Variants in UXS1 observed in about 807,000 individuals in gnomAD.
UXS1 encodes the protein UDP-glucuronate decarboxylase 1, also known as UDP-glucuronic acid decarboxylase 1.
Under a neutral mutation model 62.6 loss-of-function variants are expected in UXS1, and 33 were observed. That is an observed-to-expected ratio of 0.53 (90% confidence interval 0.40 to 0.70). UXS1 has a LOEUF of 0.70. Ranked by LOEUF, UXS1 falls within the 30% of genes least tolerant of loss-of-function variation. The pLI is 0.00. For synonymous variants in UXS1, 213 were observed against 206.8 expected (o/e 1.03, Z -0.26); for missense variants, 434 against 556.3 (o/e 0.78, Z 2.21).
chr2:106,103,550 T>C (rs998295350), intron 11 of UXS1, among the ~76,000 whole-genome samples: 4 of 152,218 alleles, frequency 2.6e-5, no homozygotes, highest in Non-Finnish European at 4.4e-5. Flanking sequence ...GATAGTTTCC[T>C]CCAGGGACAT....
chr2:106,111,783 T>C (rs1678632896), intron 10 of UXS1, among the ~76,000 whole-genome samples: 1 of 152,184 alleles, frequency 6.6e-6, no homozygotes, highest in African/African-American at 2.4e-5. Context: ...ATACACTCAA[T>C]TGATAACAAA....
intron 5 of UXS1, among the ~76,000 whole-genome samples, chr2:106,152,262 G>C (rs942991395): frequency 6.6e-6 from 1 of 152,076 alleles, no homozygotes; most frequent in African/African-American, 2.4e-5. Flanking sequence ...GACCAGCCTG[G>C]CCAACATGGT....
intron 4 of UXS1, 49 bp downstream of exon 4, chr2:106,163,618 G>C: frequency 7.5e-7 from 1 of 1,335,354 alleles, no homozygotes; most frequent in Non-Finnish European, 1.0e-6. Flanking sequence ...TTACTCAATT[G>C]AGACAAACTT....
chr2:106,103,857 C>T (rs1677816851), intron 11 of UXS1, among the ~76,000 whole-genome samples: 1 of 152,084 alleles, frequency 6.6e-6, no homozygotes, highest in Admixed American at 6.5e-5. Context: ...TATTTTACTA[C>T]CAGTTCCATT....
At chr2:106,119,644 T>A (rs532890908) in intron 9 of UXS1, among the ~76,000 whole-genome samples, 7 of 152,170 alleles carry the variant, frequency 4.6e-5, no homozygotes, top group African/African-American at 1.7e-4. Flanking sequence ...CAGAACACAG[T>A]CATAGTCCCA....
intron 6 of UXS1, among the ~76,000 whole-genome samples, chr2:106,131,030 C>T (rs1385292601): frequency 6.6e-6 from 1 of 150,898 alleles, no homozygotes; most frequent in Non-Finnish European, 1.5e-5. Context: ...AGACAGTGGG[C>T]GCAGGCCAGT....
In UXS1 at chr2:106,147,907, A is replaced by G. The variant is rs148865135; in HGVS notation, c.292-2537T>C. ...AGAATAACCATCCCTTAACCACCACATAGATATTACATATGCTCTGATGAA... is the reference window on the plus strand; with the variant it reads ...AGAATAACCATCCCTTAACCACCACGTAGATATTACATATGCTCTGATGAA... On this transcript the variant is annotated intron_variant, in intron 5 of 14. Coordinates refer to ENST00000283148, the MANE Select transcript of UXS1 (RefSeq NM_001253875.2). 7.9e-5 allele frequency among the ~76,000 whole-genome samples: 12 copies of G among 152,314 alleles called. 1 individual carries two copies. Among genetic ancestry groups the G allele is most frequent in the Admixed American group, 2.0e-4 (3 of 15,296 alleles).
intron 1 of UXS1, among the ~76,000 whole-genome samples, chr2:106,188,903 C>T (rs1558764053): frequency 6.6e-6 from 1 of 152,070 alleles, no homozygotes; most frequent in Non-Finnish European, 1.5e-5. Context: ...AAATGAAGAC[C>T]ATGTTTTAGT....
rs1320020637 is a variant in UXS1, at chr2:106,194,277, C to CG, written c.-37dup. 2 of 1,207,138 alleles carry CG rather than the reference C, an allele frequency of 1.7e-6. No individual in the cohort carries two copies. Among genetic ancestry groups the CG allele is most frequent in the South Asian group, 2.2e-5 (1 of 45,626 alleles). The allele number at this position is 1,207,138 out of a possible 1,614,324, so 74.8% of individuals were successfully genotyped here. On this transcript the variant is annotated 5_prime_UTR_variant, in exon 1 of 15. Coordinates refer to ENST00000283148, the MANE Select transcript of UXS1 (RefSeq NM_001253875.2). ...CGCGCGGGTCCAGGGCCCTACCGCG[C>CG]GGGGGCCCGCCTGCTGCACAATGCG...
intron 1 of UXS1, among the ~76,000 whole-genome samples, chr2:106,193,579 T>C (rs978108764): frequency 6.6e-6 from 1 of 151,726 alleles, no homozygotes; most frequent in African/African-American, 2.4e-5. Context: ...AAACCTAGAA[T>C]GGGGATGCCG....
At chr2:106,127,108 G>A (rs1213756562) in intron 7 of UXS1, among the ~76,000 whole-genome samples, 1 of 152,124 alleles carries the variant, frequency 6.6e-6, no homozygotes, top group African/African-American at 2.4e-5. Context: ...GAATTCCCGG[G>A]GATATATGTA....
chr2:106,103,378 C>A (rs1416156153), intron 11 of UXS1, among the ~76,000 whole-genome samples: 1 of 152,184 alleles, frequency 6.6e-6, no homozygotes, highest in Non-Finnish European at 1.5e-5. Context: ...ACTGGTGAGG[C>A]AGCCCGAGGC....
chr2:106,116,406 T>G (rs1246907747), intron 9 of UXS1, among the ~76,000 whole-genome samples: 2 of 152,166 alleles, frequency 1.3e-5, no homozygotes, highest in Non-Finnish European at 2.9e-5. Flanking sequence ...GAGCAGGACT[T>G]CTACAACTCG....
At chr2:106,176,620 T>C (rs1382326019) in intron 1 of UXS1, among the ~76,000 whole-genome samples, 1 of 152,172 alleles carries the variant, frequency 6.6e-6, no homozygotes, top group African/African-American at 2.4e-5. Context: ...GCCTTAGCCC[T>C]AAACCTTGGA....
intron 9 of UXS1, among the ~76,000 whole-genome samples, chr2:106,119,793 G>C (rs1047351631): frequency 6.6e-5 from 10 of 152,030 alleles, no homozygotes; most frequent in African/African-American, 2.2e-4. Flanking sequence ...ACAAAATCCT[G>C]GGTTAAAGAA....
chr2:106,156,140 T>C (rs528407905), intron 5 of UXS1, among the ~76,000 whole-genome samples: 20 of 152,148 alleles, frequency 1.3e-4, no homozygotes, highest in African/African-American at 4.8e-4. Context: ...ACAAATAATA[T>C]ACCTGATAAG....
rs189422892 is a variant in UXS1, at chr2:106,182,027, G to C, written c.94+12121C>G. On this transcript the variant is annotated intron_variant, in intron 1 of 14. Transcript: ENST00000283148. ...TTATTGCTTACTGTTAAGAAGTTTT[G>C]TTAGTAATATATTTGATACTTGATC... is the stretch of plus-strand genomic sequence containing the variant. Among the ~76,000 whole-genome samples the C allele has an allele frequency of 1.2e-3, 187 of 152,330 alleles. 8 individuals carry two copies. Among genetic ancestry groups the C allele is most frequent in the Admixed American group, 1.6e-3 (25 of 15,306 alleles).
chr2:106,163,626 C>CT, intron 4 of UXS1, 41 bp downstream of exon 4: 1 of 1,381,384 alleles, frequency 7.2e-7, no homozygotes, highest in South Asian at 1.4e-5. Context: ...TTGAGACAAA[C>CT]TTATTTTAAC....
chr2:106,191,873 T>C (rs1684957733), intron 1 of UXS1, among the ~76,000 whole-genome samples: 1 of 152,244 alleles, frequency 6.6e-6, no homozygotes, highest in Non-Finnish European at 1.5e-5. Context: ...TGCATTCCTT[T>C]TCCTCACACC....
Sources: allele counts gnomAD v4.1 joint callset (sites outside exome capture counted in the v4.1 genomes callset), GRCh38; gene constraint gnomAD v4.1.1; transcripts MANE v1.5; gene names NCBI Gene and HGNC (gene_info 2026-07-23, HGNC 2026-07-21).